Variants in RBFOX3 observed in about 807,000 individuals in gnomAD.
RBFOX3 encodes the protein RNA binding fox-1 homolog 3.
Under a neutral mutation model 48.7 loss-of-function variants are expected in RBFOX3, and 17 were observed. The ratio of observed to expected loss-of-function variants is 0.35; its 90% CI spans 0.24 to 0.52. The LOEUF (loss-of-function observed/expected upper bound fraction) is 0.52. Among genes scored for constraint, RBFOX3 ranks in the 20% least tolerant of loss-of-function variants. The probability of loss-of-function intolerance (pLI) is 0.94; values close to 1 mark genes in which losing one functional copy is unlikely to be tolerated. For missense variants in RBFOX3, 382 were observed against 497.5 expected (o/e 0.77, Z 2.21); for synonymous variants, 212 against 209.5 (o/e 1.01, Z -0.10).
At chr17:79,434,570 G>C (rs2069051778) in intron 2 of RBFOX3, among the ~76,000 whole-genome samples, 1 of 152,102 alleles carries the variant, frequency 6.6e-6, no homozygotes, top group Admixed American at 6.5e-5. Context: ...CATCACAGTG[G>C]GAAATAAAAG....
At chr17:79,240,955 C>A (rs1376093343) in intron 3 of RBFOX3, among the ~76,000 whole-genome samples, 1 of 150,644 alleles carries the variant, frequency 6.6e-6, no homozygotes, top group Admixed American at 6.7e-5. Flanking sequence ...TGAGCCACTG[C>A]GCCTGGCCTA....
the RBFOX3 span, among the ~76,000 whole-genome samples, chr17:79,624,875 T>A: frequency 8.1e-6 from 1 of 123,808 alleles, no homozygotes; most frequent in Non-Finnish European, 1.6e-5. Flanking sequence ...TTGGGCACAC[T>A]CACTGCCAGC....
Position 79,090,675 on chromosome 17 carries a change from G to A in RBFOX3, c.*208C>T, listed in dbSNP as rs1321618955. 8.1e-6 allele frequency: 5 copies of A among 617,688 alleles called. No homozygotes were observed. Among genetic ancestry groups the A allele is most frequent in the Admixed American group, 6.2e-5 (2 of 32,104 alleles). The allele number at this position is 617,688 out of a possible 1,614,324, so 38.3% of individuals were successfully genotyped here. The stretch of plus-strand genomic sequence containing the variant: ...GGTGGGGCCGTCCTGTCCTGGGGCC[G>A]CTCCTCGGCGCCCCTGCCGGCGTGC... On this transcript the variant is annotated 3_prime_UTR_variant, in exon 15 of 15. Transcript: ENST00000693108.
Position 79,095,213 on chromosome 17 carries a change from AAGAC to A in RBFOX3, c.998+296_998+299del, listed in dbSNP as rs1411479189. Among the ~76,000 whole-genome samples, 5 of 151,170 alleles carry A rather than the reference AAGAC, an allele frequency of 3.3e-5. No individual in the cohort carries two copies. The South Asian group carries it at 6.3e-4, about 19-fold the overall frequency. On this transcript the variant is annotated intron_variant, in intron 13 of 14. Transcript: ENST00000693108. Reference sequence around the variant, plus strand: ...AGGAAGCACTCAAGCGTCTGCCTCCAAGACAGACAGCCACTGTGGGCACGGGGCT... The same window carrying A: ...AGGAAGCACTCAAGCGTCTGCCTCCAAGACAGCCACTGTGGGCACGGGGCT...
chr17:79,143,228 T>G (rs931399235), intron 4 of RBFOX3, among the ~76,000 whole-genome samples: 1 of 152,156 alleles, frequency 6.6e-6, no homozygotes, highest in Admixed American at 6.5e-5. Context: ...ATCTTGGCTG[T>G]GCCAGCTCGC....
At chr17:79,515,799 C>T (rs1292060475) in intron 1 of RBFOX3, among the ~76,000 whole-genome samples, 7 of 152,088 alleles carry the variant, frequency 4.6e-5, no homozygotes, top group South Asian at 2.1e-4. Flanking sequence ...CTTCAGAGTC[C>T]GTCGCCACCC....
chr17:79,309,510 G>C (rs2076549684), intron 2 of RBFOX3, among the ~76,000 whole-genome samples: 1 of 152,130 alleles, frequency 6.6e-6, no homozygotes, highest in Admixed American at 6.5e-5. Flanking sequence ...CCCTCCTCCA[G>C]GTGTTGGGTG....
At chr17:79,320,115 G>C (rs1381523088) in intron 2 of RBFOX3, among the ~76,000 whole-genome samples, 2 of 152,216 alleles carry the variant, frequency 1.3e-5, no homozygotes, top group East Asian at 3.9e-4. Context: ...ATCTTCTTTG[G>C]TGGCATGTGG....
chr17:79,214,907 C>T lies in RBFOX3; in HGVS notation c.-34+20859G>A, dbSNP rs772894539. 6.6e-6 allele frequency among the ~76,000 whole-genome samples: 1 copy of T among 152,202 alleles called. No individual in the cohort carries two copies. Among genetic ancestry groups the T allele is most frequent in the African/African-American group, 2.4e-5 (1 of 41,454 alleles). ...CCCTGTTTGTTCTTTATTTCTCTGGCAATTACCGCTAATTTGGAGACGTTC... is the reference window on the plus strand; with the variant it reads ...CCCTGTTTGTTCTTTATTTCTCTGGTAATTACCGCTAATTTGGAGACGTTC... On this transcript the variant is annotated intron_variant, in intron 4 of 14. Transcript: ENST00000693108. The surrounding 1 kb of genome is among the most constrained non-coding windows in gnomAD (Gnocchi z 4.7).
At chr17:79,455,210 T>C (rs2074269351) in intron 2 of RBFOX3, among the ~76,000 whole-genome samples, 1 of 152,180 alleles carries the variant, frequency 6.6e-6, no homozygotes. Context: ...CTGGATGTGC[T>C]ACTCCCAGGT....
At chr17:79,384,249 T>C (rs1315341428) in intron 2 of RBFOX3, among the ~76,000 whole-genome samples, 1 of 152,108 alleles carries the variant, frequency 6.6e-6, no homozygotes, top group Admixed American at 6.5e-5. Context: ...GCGAGGAAGG[T>C]AATGAATCTC....
chr17:79,213,911 T>G (rs1407329112), intron 4 of RBFOX3, among the ~76,000 whole-genome samples: 1 of 152,088 alleles, frequency 6.6e-6, no homozygotes, highest in Non-Finnish European at 1.5e-5. Flanking sequence ...ATTGCTGGGT[T>G]TTGGGAATTG....
rs185594369 is a variant in RBFOX3 at position 79,159,983 on chromosome 17, G to A, written c.-33-44235C>T. 2.6e-5 allele frequency among the ~76,000 whole-genome samples: 4 copies of A among 152,352 alleles called. No homozygotes were observed. The East Asian group carries it at 7.7e-4, about 29-fold the overall frequency. ...GTTGATACAGCCCCCACTGCCCTCT[G>A]AAGTGCAGACAAAACGGAGGGCAGC... On this transcript the variant is annotated intron_variant, in intron 4 of 14. Coordinates refer to ENST00000693108, the MANE Select transcript of RBFOX3 (RefSeq NM_001350451.2).
At chr17:79,285,936 G>A (rs2071764903) in intron 3 of RBFOX3, among the ~76,000 whole-genome samples, 1 of 152,172 alleles carries the variant, frequency 6.6e-6, no homozygotes. Flanking sequence ...ACCTACCTCG[G>A]CCTCCCAAAG....
chr17:79,288,178 T>C (rs1292830540), intron 3 of RBFOX3, among the ~76,000 whole-genome samples: 2 of 152,020 alleles, frequency 1.3e-5, no homozygotes, highest in Non-Finnish European at 1.5e-5. Flanking sequence ...CCACCTGATA[T>C]GCGACAAATC....
At chr17:79,281,811 A>G (rs2070598802) in intron 3 of RBFOX3, among the ~76,000 whole-genome samples, 1 of 152,226 alleles carries the variant, frequency 6.6e-6, no homozygotes, top group Non-Finnish European at 1.5e-5. Flanking sequence ...GAAAGTAAAT[A>G]TATGCATGAT....
At chr17:79,554,664 G>T (rs2091473403) in intron 1 of RBFOX3, among the ~76,000 whole-genome samples, 1 of 152,236 alleles carries the variant, frequency 6.6e-6, no homozygotes, top group Non-Finnish European at 1.5e-5. Flanking sequence ...CCTAACACAG[G>T]GTCTCACACA....
At chr17:79,548,318 C>A (rs2090739870) in intron 1 of RBFOX3, among the ~76,000 whole-genome samples, 1 of 152,172 alleles carries the variant, frequency 6.6e-6, no homozygotes, top group Non-Finnish European at 1.5e-5. Flanking sequence ...TCTGGACACA[C>A]CCCCACCTCA....
At position 79,346,561 on chromosome 17, in the gene RBFOX3, C is replaced by A. The variant is rs562707633; in HGVS notation, c.-174-38737G>T. 2.6e-5 allele frequency among the ~76,000 whole-genome samples: 4 copies of A among 152,316 alleles called. No homozygotes were observed. The South Asian group carries it at 8.3e-4, about 32-fold the overall frequency. ...GAAGTATCTCCTTCATGCTCTGCTC[C>A]TCAGAGGGGTTCTGGCTAATTTTTG... is the stretch of plus-strand genomic sequence containing the variant. On this transcript the variant is annotated intron_variant, in intron 2 of 14. Transcript: ENST00000693108.
Sources: gnomAD v4.1 joint callset for allele counts (sites outside exome capture counted in the v4.1 genomes callset) on GRCh38, gnomAD v4.1.1 for gene constraint, Gnocchi (gnomAD v3.1) non-coding constraint, MANE v1.5 for transcripts, NCBI Gene and HGNC (gene_info 2026-07-23, HGNC 2026-07-21) for gene names.